Variants in UGT2B10 observed in about 807,000 individuals in gnomAD.
UGT2B10 encodes UDP glucuronosyltransferase family 2 member B10, also known as UDP-glucuronosyltransferase 2B10.
A neutral mutation model predicts 43.7 loss-of-function variants in UGT2B10; 51 were observed. The ratio of observed to expected loss-of-function variants is 1.17; its 90% CI spans 0.93 to 1.47. UGT2B10 has a LOEUF of 1.47. Among genes scored for constraint, UGT2B10 ranks in the 40% most tolerant of loss-of-function variants. The pLI, the probability that UGT2B10 is intolerant of heterozygous loss-of-function variation, is 0.00. For synonymous variants in UGT2B10, 225 were observed against 209.0 expected (o/e 1.08, Z -0.66); for missense variants, 696 against 617.7 (o/e 1.13, Z -1.34).
At position 68,818,185 on chromosome 4, in the gene UGT2B10, T is replaced by C. The variant is rs556413717; in HGVS notation, c.867+8T>C. ...GCCAAACCCCTACCTAAGGTAAACA[T>C]ACTTTCGTTGGTTTTATTTTGTTGG... On this transcript the variant is annotated splice_region_variant and intron_variant, in intron 2 of 5. Coordinates refer to ENST00000265403, the MANE Select transcript of UGT2B10 (RefSeq NM_001075.6). 5 of 1,607,276 alleles carry C rather than the reference T, an allele frequency of 3.1e-6. No individual in the cohort carries two copies. The highest frequency in any genetic ancestry group is 1.3e-5 in the African/African-American group (1 of 74,504).
In UGT2B10 at chr4:68,816,467, G is replaced by C. The variant is rs199569934; in HGVS notation, c.448G>C (p.Asp150His). 5.1e-4 allele frequency: 825 copies of C among 1,613,206 alleles called. No homozygotes were observed. The highest frequency in any genetic ancestry group is 6.7e-4 in the Non-Finnish European group (790 of 1,179,458). ...GTCAAGATTTGACATCGTTTTTGCA[G>C]ATGCTTATTTACCCTGTGGTGAGCT... Reference protein sequence around the residue: ...QESRFDIVFADAYLPCGELLA... With the variant: ...QESRFDIVFAHAYLPCGELLA... The change falls in exon 1 of 6, where the codon GAT (aspartate) becomes CAT (histidine). Residue 150 changes from aspartate (D) to histidine (H), a missense_variant. Physicochemically the swap from Asp to His is moderately conservative, Grantham distance 81 (BLOSUM62 -1). Coordinates refer to ENST00000265403, the MANE Select transcript of UGT2B10 (RefSeq NM_001075.6).
At chr4:68,824,214 G>A (rs1200293667) in intron 3 of UGT2B10, among the ~76,000 whole-genome samples, 1 of 152,206 alleles carries the variant, frequency 6.6e-6, no homozygotes, top group African/African-American at 2.4e-5. Context: ...CAGACAACTA[G>A]TCCAAGTACC....
In UGT2B10 at chr4:68,816,159, A is replaced by G. The variant is rs764940205; in HGVS notation, c.140A>G (p.Gln47Arg). 2 of 1,613,206 alleles carry G rather than the reference A, an allele frequency of 1.2e-6. No individual in the cohort carries two copies. Among genetic ancestry groups the G allele is most frequent in the East Asian group, 2.2e-5 (1 of 44,836 alleles). Residue 47 changes from glutamine to arginine, a missense_variant, in exon 1 of 6, where the codon CAG becomes CGG. By Grantham distance (43) the Gln-to-Arg change is conservative. Transcript: ENST00000265403. ...AAGACAATCCTGAAAGAACTTGTTC[A>G]GAGAGGTCATGAGGTGACTGTACTG... Reference protein sequence around the residue: ...NMKTILKELVQRGHEVTVLAS... With the variant: ...NMKTILKELVRRGHEVTVLAS...
intron 5 of UGT2B10, 53 bp downstream of exon 5, chr4:68,827,601 T>C: frequency 6.2e-7 from 1 of 1,604,806 alleles, no homozygotes; most frequent in Non-Finnish European, 8.5e-7. Context: ...GCTTTTCTTG[T>C]CAGTAGTGAG....
chr4:68,821,849 C>A (rs1400748826), intron 2 of UGT2B10, among the ~76,000 whole-genome samples: 1 of 151,252 alleles, frequency 6.6e-6, no homozygotes, highest in Non-Finnish European at 1.5e-5. Flanking sequence ...TACAGAAAAC[C>A]TGCCTGAAAT....
chr4:68,821,149 A>T (rs1370346517), intron 2 of UGT2B10, among the ~76,000 whole-genome samples: 1 of 152,204 alleles, frequency 6.6e-6, no homozygotes, highest in African/African-American at 2.4e-5. Flanking sequence ...TGTGGTGCAC[A>T]GTTTACACTT....
chr4:68,821,289 A>G (rs544180939), intron 2 of UGT2B10, among the ~76,000 whole-genome samples: 7 of 152,256 alleles, frequency 4.6e-5, no homozygotes, highest in African/African-American at 1.4e-4. Context: ...TTCTCAATCA[A>G]TTGCAGCCAA....
At chr4:68,819,340 G>A (rs1299489757) in intron 2 of UGT2B10, among the ~76,000 whole-genome samples, 1 of 151,894 alleles carries the variant, frequency 6.6e-6, no homozygotes, top group Non-Finnish European at 1.5e-5. Flanking sequence ...TGTCATAGAT[G>A]ACAGATACCC....
chr4:68,821,689 C>T (rs186861038), intron 2 of UGT2B10, among the ~76,000 whole-genome samples: 1 of 152,166 alleles, frequency 6.6e-6, no homozygotes, highest in Non-Finnish European at 1.5e-5. Flanking sequence ...TGAAAAACTA[C>T]TGGAAAACTC....
At chr4:68,818,279 G>C in intron 2 of UGT2B10, 102 bp downstream of exon 2, 1 of 1,551,580 alleles carries the variant, frequency 6.4e-7, no homozygotes, top group Non-Finnish European at 8.6e-7. Context: ...GAAAAAGATG[G>C]GAAGTAGGTG....
In UGT2B10 at chr4:68,816,599, C is replaced by T. The variant is rs762324444; in HGVS notation, c.580C>T (p.Pro194Ser). The T allele has an allele frequency of 1.2e-4, 191 of 1,612,784 alleles. No homozygotes were observed. The highest frequency in any genetic ancestry group is 1.5e-4 in the Non-Finnish European group (178 of 1,179,322). ...ATTTATTTTCCCTCCTTCCTACGTA[C>T]CTGTTGTTATGTCAAAATTAAGTGA... ...GGFIFPPSYV[P>S]VVMSKLSDQM... The change falls in exon 1 of 6, where the codon CCT (proline) becomes TCT (serine). Residue 194 changes from proline to serine, a missense_variant. Coordinates refer to ENST00000265403, the MANE Select transcript of UGT2B10 (RefSeq NM_001075.6).
chr4:68,827,418 C>G lies in UGT2B10; in HGVS notation c.1177C>G (p.Pro393Ala). The change falls in exon 5 of 6, where the codon CCA becomes GCA. Residue 393 changes from proline (P) to alanine (A), a missense_variant. Pro to Ala is a conservative substitution (Grantham distance 27, BLOSUM62 -1). Coordinates refer to ENST00000265403, the MANE Select transcript of UGT2B10 (RefSeq NM_001075.6). Reference sequence around the variant, plus strand: ...CCATGGGATCCCTATGGTGGGCATTCCATTGTTTTTTGATCAACCTGATAA... The same window carrying G: ...CCATGGGATCCCTATGGTGGGCATTGCATTGTTTTTTGATCAACCTGATAA... ...IYHGIPMVGI[P>A]LFFDQPDNIA... is the part of the protein sequence containing the mutation. The G allele has an allele frequency of 5.0e-6, 8 of 1,613,450 alleles. No homozygotes were observed. Among genetic ancestry groups the G allele is most frequent in the African/African-American group, 1.3e-5 (1 of 74,916 alleles).
At chr4:68,829,878 T>C (rs577799745) in intron 5 of UGT2B10, among the ~76,000 whole-genome samples, 1 of 152,040 alleles carries the variant, frequency 6.6e-6, no homozygotes, top group Non-Finnish European at 1.5e-5. Flanking sequence ...ATTTTATTCT[T>C]AAAATAATGA....
At position 68,827,531 on chromosome 4, in the gene UGT2B10, A is replaced by C; in HGVS notation, c.1290A>C (p.Thr430=). 1 of 1,613,356 alleles carries C rather than the reference A, an allele frequency of 6.2e-7. No homozygotes were observed. Among genetic ancestry groups the C allele is most frequent in the Non-Finnish European group, 8.5e-7 (1 of 1,179,448 alleles). ...CAGACCTGCTGAATGCACTGAAGAC[A>C]GTAATTAATGATCCTTCGTGAGTAG... ...SSTDLLNALK[T]VINDPSYKEN... is the part of the protein sequence containing the mutation. The change falls in exon 5 of 6, where the codon ACA becomes ACC. Residue 430 remains threonine, a synonymous_variant. Coordinates refer to ENST00000265403, the MANE Select transcript of UGT2B10 (RefSeq NM_001075.6).
rs1002057902 is a variant in UGT2B10 at position 68,831,606 on chromosome 4, C to A, written c.*727C>A. Among the ~76,000 whole-genome samples the A allele has an allele frequency of 9.2e-5, 14 of 152,164 alleles. No homozygotes were observed. The highest frequency in any genetic ancestry group is 2.9e-4 in the African/African-American group (12 of 41,556). On this transcript the variant is annotated 3_prime_UTR_variant, in exon 6 of 6. Coordinates refer to ENST00000265403, the MANE Select transcript of UGT2B10 (RefSeq NM_001075.6). ...TGACTGAACAGCCCACAAGAAGAAT[C>A]ACTTAATGCTCTGAAAATTACCAGT...
chr4:68,829,216 A>G (rs1169353324), intron 5 of UGT2B10, among the ~76,000 whole-genome samples: 1 of 152,058 alleles, frequency 6.6e-6, no homozygotes, highest in Non-Finnish European at 1.5e-5. Context: ...TTACACTAAA[A>G]AAAATAAACA....
chr4:68,818,947 G>T (rs1228619055), intron 2 of UGT2B10, among the ~76,000 whole-genome samples: 2 of 151,810 alleles, frequency 1.3e-5, no homozygotes, highest in African/African-American at 2.4e-5. Flanking sequence ...CTTTTTATAA[G>T]AAAAGCCTCC....
chr4:68,828,502 T>G (rs1737916791), intron 5 of UGT2B10, among the ~76,000 whole-genome samples: 1 of 151,734 alleles, frequency 6.6e-6, no homozygotes, highest in South Asian at 2.1e-4. Flanking sequence ...GGGAAATAAT[T>G]GAATAGAAAC....
Position 68,830,738 on chromosome 4 carries a change from C to A in UGT2B10, c.1446C>A (p.Leu482=). Residue 482 remains leucine (L), a synonymous_variant, in exon 6 of 6, where the codon CTC becomes CTA. Coordinates refer to ENST00000265403, the MANE Select transcript of UGT2B10 (RefSeq NM_001075.6). Reference sequence around the variant, plus strand: ...ATCTTCGAGTTGCAGCCCACAACCTCACCTGGTTCCAGTACCACTCTTTGG... The same window carrying A: ...ATCTTCGAGTTGCAGCCCACAACCTAACCTGGTTCCAGTACCACTCTTTGG... The part of the protein sequence containing the change: ...AKHLRVAAHN[L]TWFQYHSLDV... 1 of 1,613,468 alleles carries A rather than the reference C, an allele frequency of 6.2e-7. No homozygotes were observed. Among genetic ancestry groups the A allele is most frequent in the Non-Finnish European group, 8.5e-7 (1 of 1,179,560 alleles).
Sources: allele counts gnomAD v4.1 joint callset (sites outside exome capture counted in the v4.1 genomes callset), GRCh38; gene constraint gnomAD v4.1.1; transcripts MANE v1.5; gene names NCBI Gene and HGNC (gene_info 2026-07-23, HGNC 2026-07-21).